DACH1: variants seen among roughly 807,000 people sequenced by gnomAD.
DACH1 encodes dachshund homolog 1.
In DACH1, 12 loss-of-function variants were observed where a neutral mutation model predicts 54.2. The observed-to-expected ratio is 0.22, with a 90% CI of 0.14 to 0.36. The LOEUF (loss-of-function observed/expected upper bound fraction) is 0.36. Among genes scored for constraint, DACH1 ranks in the 10% least tolerant of loss-of-function variants. DACH1 has a pLI of 1.00. For missense variants in DACH1, 805 were observed against 929.8 expected (o/e 0.87, Z 1.75); for synonymous variants, 386 against 366.2 (o/e 1.05, Z -0.62).
chr13:71,788,236 T>C (rs1175989187), intron 1 of DACH1, among the ~76,000 whole-genome samples: 1 of 152,142 alleles, frequency 6.6e-6, no homozygotes, highest in Non-Finnish European at 1.5e-5. Context: ...GGTTCAACTT[T>C]ACCATTTTAA....
chr13:71,743,424 A>G (rs1884485183), intron 1 of DACH1, among the ~76,000 whole-genome samples: 1 of 152,354 alleles, frequency 6.6e-6, no homozygotes, highest in East Asian at 1.9e-4. Context: ...CAGCAGAATC[A>G]GGACTGCTGA....
In DACH1 at chr13:71,790,809, G is replaced by C. The variant is rs539097818; in HGVS notation, c.848+75113C>G. On this transcript the variant is annotated intron_variant, in intron 1 of 10. Coordinates refer to ENST00000613252, the MANE Select transcript of DACH1 (RefSeq NM_080759.6). ...AATGATTATTTTTATTTCTTGCTTT[G>C]AAGGAAAGATGAAAGGCTATTTAGT... Among the ~76,000 whole-genome samples, 19 of 152,262 alleles carry C rather than the reference G, an allele frequency of 1.2e-4. No homozygotes were observed. The Middle Eastern group carries it at 0.017, about 136-fold the overall frequency.
At chr13:71,450,081 G>C (rs1321555505) in intron 10 of DACH1, among the ~76,000 whole-genome samples, 4 of 151,728 alleles carry the variant, frequency 2.6e-5, no homozygotes, top group Admixed American at 2.0e-4. Context: ...CTGAGAACAA[G>C]AGATCATCTA....
At chr13:71,794,853 A>G (rs1273349361) in intron 1 of DACH1, among the ~76,000 whole-genome samples, 1 of 152,234 alleles carries the variant, frequency 6.6e-6, no homozygotes, top group African/African-American at 2.4e-5. Context: ...GAAAGGTAAA[A>G]ACAAAAAACT....
chr13:71,731,213 C>G (rs1194318951), intron 1 of DACH1, among the ~76,000 whole-genome samples: 2 of 151,652 alleles, frequency 1.3e-5, no homozygotes, highest in Non-Finnish European at 1.5e-5. Flanking sequence ...AATGTTGAGT[C>G]TATTACTAGA....
At chr13:71,705,878 C>T (rs1443021867) in intron 1 of DACH1, among the ~76,000 whole-genome samples, 1 of 152,020 alleles carries the variant, frequency 6.6e-6, no homozygotes, top group East Asian at 1.9e-4. Context: ...CTTCTCTATT[C>T]ATATCTCCTT....
At chr13:71,666,295 A>G (rs928287402) in intron 2 of DACH1, among the ~76,000 whole-genome samples, 2 of 152,164 alleles carry the variant, frequency 1.3e-5, no homozygotes, top group Non-Finnish European at 2.9e-5. Context: ...GAATATCTAT[A>G]AAAGAGATGT....
At chr13:71,698,707 C>T (rs1489735320) in intron 1 of DACH1, among the ~76,000 whole-genome samples, 1 of 151,988 alleles carries the variant, frequency 6.6e-6, no homozygotes. Flanking sequence ...TTATGTGTTA[C>T]AACAGGTTAG....
At chr13:71,732,143 T>TTTC (rs1005937706) in intron 1 of DACH1, among the ~76,000 whole-genome samples, 12 of 152,188 alleles carry the variant, frequency 7.9e-5, no homozygotes, top group African/African-American at 2.7e-4. Flanking sequence ...CTCCAGAATA[T>TTTC]GAAAGACGAC....
intron 2 of DACH1, among the ~76,000 whole-genome samples, chr13:71,668,223 T>C (rs1312155674): frequency 6.6e-6 from 1 of 152,044 alleles, no homozygotes; most frequent in Middle Eastern, 3.6e-3. Context: ...TAGCATCACA[T>C]TTGTAAATTA....
chr13:71,837,111 T>A lies in DACH1; in HGVS notation c.848+28811A>T, dbSNP rs1049266015. 5.9e-5 allele frequency among the ~76,000 whole-genome samples: 9 copies of A among 151,822 alleles called. No homozygotes were observed. The South Asian group carries it at 1.9e-3, about 31-fold the overall frequency. ...AGATTAAGGGGGAAATGAAAATGCA[T>A]TATTCTCATTTTTTAAGGTAATATT... On this transcript the variant is annotated intron_variant, in intron 1 of 10. Coordinates refer to ENST00000613252, the MANE Select transcript of DACH1 (RefSeq NM_080759.6).
chr13:71,523,601 G>C (rs1881751775), intron 6 of DACH1, among the ~76,000 whole-genome samples: 1 of 152,020 alleles, frequency 6.6e-6, no homozygotes, highest in African/African-American at 2.4e-5. Context: ...GTGGGTCCTT[G>C]ACACCCTCTT....
chr13:71,706,004 AT>A (rs1367049439), intron 1 of DACH1, among the ~76,000 whole-genome samples: 2 of 151,834 alleles, frequency 1.3e-5, no homozygotes, highest in African/African-American at 4.8e-5. Context: ...ACTATCAGAT[AT>A]TTTTTCTTAT....
intron 1 of DACH1, among the ~76,000 whole-genome samples, chr13:71,721,461 T>C (rs988390695): frequency 6.6e-6 from 1 of 152,142 alleles, no homozygotes; most frequent in African/African-American, 2.4e-5. Flanking sequence ...TTTTACTCAT[T>C]TGGTAACTAG....
intron 7 of DACH1, among the ~76,000 whole-genome samples, chr13:71,483,995 T>C (rs559105834): frequency 2.0e-5 from 3 of 152,318 alleles, no homozygotes; most frequent in East Asian, 3.9e-4. Flanking sequence ...TCTCAGAATG[T>C]ATCCCCAGCA....
intron 6 of DACH1, among the ~76,000 whole-genome samples, chr13:71,547,048 G>A (rs906132204): frequency 6.6e-5 from 10 of 151,952 alleles, no homozygotes; most frequent in African/African-American, 2.2e-4. Context: ...CATGTAAATT[G>A]TGCTGACTGC....
intron 4 of DACH1, among the ~76,000 whole-genome samples, chr13:71,565,464 T>C (rs1472451557): frequency 6.6e-6 from 1 of 152,102 alleles, no homozygotes; most frequent in Non-Finnish European, 1.5e-5. Context: ...GCAACATCAT[T>C]GACACTAAGA....
intron 10 of DACH1, among the ~76,000 whole-genome samples, chr13:71,444,895 T>C (rs1874313148): frequency 1.3e-5 from 2 of 152,142 alleles, no homozygotes; most frequent in African/African-American, 2.4e-5. Context: ...TATTCAGGTC[T>C]GTTCTTCCTT....
chr13:71,738,980 C>T (rs962838219), intron 1 of DACH1, among the ~76,000 whole-genome samples: 14 of 151,824 alleles, frequency 9.2e-5, no homozygotes, highest in East Asian at 3.9e-4. Context: ...CAGCCAGGCA[C>T]GGTGGCTTAC....
Sources: gnomAD v4.1 joint callset for allele counts (sites outside exome capture counted in the v4.1 genomes callset) on GRCh38, gnomAD v4.1.1 for gene constraint, MANE v1.5 for transcripts, NCBI Gene and HGNC (gene_info 2026-07-23, HGNC 2026-07-21) for gene names.